The following POLGARF variants were observed in gnomAD, a reference collection of about 807,000 sequenced individuals.
The protein encoded by POLGARF is POLG alternative reading frame.
chr15:89,332,599 C>T, the POLGARF span, among the ~76,000 whole-genome samples: 2 of 810 alleles, frequency 2.5e-3, no homozygotes, highest in Non-Finnish European at 3.7e-3. Context: ...ACGTTGCCGG[C>T]GGGGGCAGGG....
the POLGARF span, among the ~76,000 whole-genome samples, chr15:89,331,804 G>A: frequency 6.6e-5 from 10 of 151,958 alleles, no homozygotes; most frequent in Non-Finnish European, 1.3e-4. Context: ...CTCCCAGGAG[G>A]AAGGTCCCAG....
At chr15:89,332,868 T>C in the POLGARF span, among the ~76,000 whole-genome samples, 1 of 152,212 alleles carries the variant, frequency 6.6e-6, no homozygotes, top group Non-Finnish European at 1.5e-5. Context: ...TGTGATTCTC[T>C]GCGTGGCCTT....
chr15:89,333,457 C>T, the POLGARF span: 3 of 1,610,948 alleles, frequency 1.9e-6, no homozygotes, highest in Non-Finnish European at 2.5e-6. Context: ...CTGCGGCGCA[C>T]CGCGGCCTCG....
At chr15:89,333,555 C>G in the POLGARF span, 3 of 1,611,234 alleles carry the variant, frequency 1.9e-6, no homozygotes, top group Admixed American at 5.0e-5. Context: ...CCGCAGCTGC[C>G]CGCCCTCCGA....
chr15:89,333,064 C>T, the POLGARF span: 1 of 1,504,142 alleles, frequency 6.6e-7, no homozygotes, highest in Non-Finnish European at 8.9e-7. Flanking sequence ...GCCCCCATGC[C>T]TGCTTATGTC....
the POLGARF span, among the ~76,000 whole-genome samples, chr15:89,331,513 G>A: frequency 9.2e-5 from 14 of 152,250 alleles, no homozygotes; most frequent in East Asian, 1.9e-4. Context: ...AGATGAGTAG[G>A]GATCCATGCC....
At chr15:89,333,689 C>G in the POLGARF span, 1 of 1,544,220 alleles carries the variant, frequency 6.5e-7, no homozygotes, top group Non-Finnish European at 8.7e-7. Context: ...CCCAGCGCCC[C>G]GGAGCTGGAA....
the POLGARF span, among the ~76,000 whole-genome samples, chr15:89,331,991 T>G: frequency 6.6e-6 from 1 of 152,194 alleles, no homozygotes; most frequent in South Asian, 2.1e-4. Context: ...CTTGAGGTAA[T>G]TTGGCCTAAA....
the POLGARF span, among the ~76,000 whole-genome samples, chr15:89,330,851 G>C: frequency 3.4e-4 from 52 of 151,026 alleles, no homozygotes; most frequent in South Asian, 8.4e-4. Flanking sequence ...ACCACCCTCA[G>C]TGAGAACCAG....
the POLGARF span, among the ~76,000 whole-genome samples, chr15:89,330,571 G>A: frequency 6.6e-6 from 1 of 152,196 alleles, no homozygotes. Context: ...CTATCAAGGT[G>A]TTTGCTAGGC....
At chr15:89,332,152 A>C in the POLGARF span, 1 of 152,180 alleles carries the variant, frequency 6.6e-6, no homozygotes, top group South Asian at 2.1e-4. Context: ...TGTGATTCTC[A>C]TTGTAACTGG....
At chr15:89,333,623 C>T in the POLGARF span, 1 of 1,599,584 alleles carries the variant, frequency 6.3e-7, no homozygotes. Context: ...GCTGCTGCTG[C>T]TGCTGCCGCC....
chr15:89,330,286 G>A, the POLGARF span: 10 of 1,606,150 alleles, frequency 6.2e-6, no homozygotes, highest in Non-Finnish European at 8.5e-6. Context: ...CCTGAGGGAG[G>A]TGAGAGGCAG....
At chr15:89,333,684 C>T in the POLGARF span, 5 of 1,546,026 alleles carry the variant, frequency 3.2e-6, no homozygotes, top group Non-Finnish European at 4.3e-6. Flanking sequence ...GGAGACCCAG[C>T]GCCCCGGAGC....
the POLGARF span, among the ~76,000 whole-genome samples, chr15:89,331,620 G>A: frequency 6.6e-6 from 1 of 152,216 alleles, no homozygotes; most frequent in African/African-American, 2.4e-5. Flanking sequence ...ACACCCTTTG[G>A]GAAGAAGCTG....
At chr15:89,333,357 TCC>T in the POLGARF span, 1 of 1,572,144 alleles carries the variant, frequency 6.4e-7, no homozygotes, top group Non-Finnish European at 8.6e-7. Flanking sequence ...GTCCAGGTTG[TCC>T]CCGTAGAGGG....
At chr15:89,331,405 T>G in the POLGARF span, among the ~76,000 whole-genome samples, 1 of 152,140 alleles carries the variant, frequency 6.6e-6, no homozygotes, top group African/African-American at 2.4e-5. Flanking sequence ...GGAACTTTGG[T>G]TACAGTAAAA....
chr15:89,333,708 G>A, the POLGARF span: 1 of 1,538,720 alleles, frequency 6.5e-7, no homozygotes, highest in Non-Finnish European at 8.7e-7. Context: ...AACCGGCCCT[G>A]GCCCGACGGT....
At chr15:89,332,098 A>G in the POLGARF span, 69,881 of 152,076 alleles carry the variant, frequency 0.46, 17,149 homozygotes, top group African/African-American at 0.64. Context: ...ATGATGGCCG[A>G]TATTCCCCTT....
Sources: allele counts gnomAD v4.1 joint callset (sites outside exome capture counted in the v4.1 genomes callset), GRCh38; gene constraint gnomAD v4.1.1; transcripts MANE v1.5; gene names NCBI Gene and HGNC (gene_info 2026-07-23, HGNC 2026-07-21).